The following SPINK8 variants were observed in gnomAD, a reference collection of about 807,000 sequenced individuals.
SPINK8 encodes serine peptidase inhibitor Kazal type 8 (putative).
A neutral mutation model predicts 14.4 loss-of-function variants in SPINK8; 12 were observed. The observed-to-expected ratio is 0.83, with a 90% CI of 0.53 to 1.35. The LOEUF is 1.35. Ranked by LOEUF, SPINK8 falls within the 40% of genes most tolerant of loss-of-function variation. SPINK8 has a pLI of 0.00. For synonymous variants in SPINK8, 32 were observed against 37.6 expected, an observed-to-expected ratio of 0.85 and a Z score of 0.55; for missense variants, 103 against 117.0, an observed-to-expected ratio of 0.88 and a Z score of 0.55.
At chr3:48,318,294 C>G (rs965844892) in intron 6 of SPINK8, among the ~76,000 whole-genome samples, 2 of 152,104 alleles carry the variant, frequency 1.3e-5, no homozygotes, top group Non-Finnish European at 2.9e-5. Flanking sequence ...GCATGCACCA[C>G]CACACCCGGC....
rs542332256 is a variant in SPINK8, at chr3:48,319,702, G to T, written c.118-84C>A. 227 of 1,564,604 alleles carry T rather than the reference G, an allele frequency of 1.5e-4. 2 individuals are homozygous for T. The highest frequency in any genetic ancestry group is 1.5e-5 in the Non-Finnish European group (17 of 1,151,804). On this transcript the variant is annotated intron_variant, in intron 5 of 7. Transcript: ENST00000434006. Reference sequence around the variant, plus strand: ...ATTATGTATAGCTTGGGAGGTGGATGGAATACGAGCACCAGATCAGGAGTT... The same window carrying T: ...ATTATGTATAGCTTGGGAGGTGGATTGAATACGAGCACCAGATCAGGAGTT...
intron 6 of SPINK8, among the ~76,000 whole-genome samples, chr3:48,318,356 G>T (rs1447835739): frequency 1.3e-5 from 2 of 152,156 alleles, no homozygotes; most frequent in Non-Finnish European, 2.9e-5. Context: ...GGCCAGGCTG[G>T]TCTCGAACTC....
intron 6 of SPINK8, among the ~76,000 whole-genome samples, chr3:48,315,523 C>T (rs990233673): frequency 2.0e-5 from 3 of 151,894 alleles, no homozygotes; most frequent in African/African-American, 7.3e-5. Flanking sequence ...GAGTTCAAGA[C>T]CAGCCTGACC....
At chr3:48,325,740 G>A (rs1223573971) in intron 4 of SPINK8, among the ~76,000 whole-genome samples, 1 of 151,878 alleles carries the variant, frequency 6.6e-6, no homozygotes, top group Non-Finnish European at 1.5e-5. Context: ...TGGGATTACA[G>A]GCATGCACCA....
intron 6 of SPINK8, among the ~76,000 whole-genome samples, chr3:48,313,781 C>T (rs750517744): frequency 6.6e-6 from 1 of 151,944 alleles, no homozygotes; most frequent in Non-Finnish European, 1.5e-5. Flanking sequence ...TTCAGTAATA[C>T]AAAAAGAAAT....
At chr3:48,317,137 G>A (rs2036003648) in intron 6 of SPINK8, among the ~76,000 whole-genome samples, 1 of 152,216 alleles carries the variant, frequency 6.6e-6, no homozygotes, top group South Asian at 2.1e-4. Flanking sequence ...GAATAAAGCT[G>A]TAATTTGTAT....
intron 7 of SPINK8, 48 bp from the exon 8 acceptor site, chr3:48,307,051 G>A: frequency 6.3e-7 from 1 of 1,593,174 alleles, no homozygotes; most frequent in South Asian, 1.1e-5. Context: ...AGGAAGTTAA[G>A]AGAAAAGCCA....
intron 7 of SPINK8, among the ~76,000 whole-genome samples, chr3:48,308,958 A>G (rs1421202262): frequency 6.6e-6 from 1 of 152,230 alleles, no homozygotes; most frequent in Non-Finnish European, 1.5e-5. Flanking sequence ...AGTAGAAATT[A>G]TGTGAGATCT....
In SPINK8 at chr3:48,306,887, G is replaced by T. The variant is rs1409282469; in HGVS notation, c.*105C>A. 1 of 1,195,012 alleles carries T rather than the reference G, an allele frequency of 8.4e-7. No homozygotes were observed. Among genetic ancestry groups the T allele is most frequent in the South Asian group, 1.4e-5 (1 of 69,452 alleles). 74.0% of individuals were successfully genotyped at this position (1,195,012 alleles called of 1,614,324 possible). On this transcript the variant is annotated 3_prime_UTR_variant, in exon 8 of 8. Coordinates refer to ENST00000434006, the MANE Select transcript of SPINK8 (RefSeq NM_001080525.3). The stretch of plus-strand genomic sequence containing the variant: ...ATTGAAGACATAAATCAACGAGTTT[G>T]ATCCAACCATTAGTAATTAAAGGGG...
At chr3:48,325,083 G>C (rs944079942) in intron 4 of SPINK8, among the ~76,000 whole-genome samples, 1 of 151,978 alleles carries the variant, frequency 6.6e-6, no homozygotes, top group Non-Finnish European at 1.5e-5. Context: ...AGTATATTTT[G>C]TCTGATATTA....
At chr3:48,314,205 C>CA (rs1038693315) in intron 6 of SPINK8, among the ~76,000 whole-genome samples, 2 of 152,060 alleles carry the variant, frequency 1.3e-5, no homozygotes, top group Non-Finnish European at 2.9e-5. Context: ...TCAGTGTCTT[C>CA]ATTCAAAAGT....
chr3:48,321,811 C>G lies in SPINK8; in HGVS notation c.68-737G>C, dbSNP rs570495943. 6.9e-4 allele frequency among the ~76,000 whole-genome samples: 104 copies of G among 150,222 alleles called. 1 individual carries two copies. Among genetic ancestry groups the G allele is most frequent in the African/African-American group, 2.5e-3 (103 of 40,954 alleles). ...CGTGGGTGAAAGAGCAAGACTCCGT[C>G]TAAAAAAAAAAAAAGTTTTCAGACA... On this transcript the variant is annotated intron_variant, in intron 4 of 7. Transcript: ENST00000434006.
chr3:48,325,512 C>G (rs578155174), intron 4 of SPINK8, among the ~76,000 whole-genome samples: 263 of 151,928 alleles, frequency 1.7e-3, no homozygotes, highest in Non-Finnish European at 3.3e-3. Context: ...GCAACCTCCA[C>G]CTCCCTAGTT....
intron 1 of SPINK8, among the ~76,000 whole-genome samples, chr3:48,332,825 C>T (rs2036283842): frequency 6.6e-6 from 1 of 152,116 alleles, no homozygotes; most frequent in African/African-American, 2.4e-5. Flanking sequence ...TCAATATAGC[C>T]ATCAGGGTTA....
intron 6 of SPINK8, among the ~76,000 whole-genome samples, chr3:48,315,321 A>T (rs2035972817): frequency 6.6e-6 from 1 of 152,240 alleles, no homozygotes; most frequent in Non-Finnish European, 1.5e-5. Context: ...AAAGGAAAAG[A>T]AAGTATGGCT....
At chr3:48,312,678 A>G (rs938361558) in intron 6 of SPINK8, among the ~76,000 whole-genome samples, 3 of 151,960 alleles carry the variant, frequency 2.0e-5, no homozygotes, top group Admixed American at 2.0e-4. Context: ...CCTCTATCTC[A>G]CACCATATAT....
intron 4 of SPINK8, among the ~76,000 whole-genome samples, chr3:48,323,674 T>G (rs2036104539): frequency 6.6e-6 from 1 of 152,234 alleles, no homozygotes; most frequent in Non-Finnish European, 1.5e-5. Context: ...AGATATCCAG[T>G]TGTCCTAGCA....
At chr3:48,319,143 GTTCT>G (rs2036034469) in intron 6 of SPINK8, among the ~76,000 whole-genome samples, 1 of 152,194 alleles carries the variant, frequency 6.6e-6, no homozygotes, top group Non-Finnish European at 1.5e-5. Flanking sequence ...TCTTCTTTTT[GTTCT>G]TTGTTTCTGT....
intron 6 of SPINK8, among the ~76,000 whole-genome samples, chr3:48,314,755 G>A (rs1333219714): frequency 6.6e-6 from 1 of 152,190 alleles, no homozygotes; most frequent in Non-Finnish European, 1.5e-5. Flanking sequence ...TGTAACAGTT[G>A]TGAAAAACAA....
Sources: allele counts gnomAD v4.1 joint callset (sites outside exome capture counted in the v4.1 genomes callset), GRCh38; gene constraint gnomAD v4.1.1; transcripts MANE v1.5; gene names NCBI Gene and HGNC (gene_info 2026-07-23, HGNC 2026-07-21).